Variants in UNC79 observed in about 807,000 individuals in gnomAD.
UNC79 encodes unc-79 subunit of NALCN channel complex, also known as protein unc-79 homolog.
In UNC79, 37 loss-of-function variants were observed where a neutral mutation model predicts 283.1. The ratio of observed to expected loss-of-function variants is 0.13; its 90% confidence interval spans 0.10 to 0.17. The LOEUF (loss-of-function observed/expected upper bound fraction) is 0.17, where lower values mean the gene tolerates loss of function less well. Ranked by LOEUF, UNC79 falls within the 10% of genes least tolerant of loss-of-function variation. The pLI, the probability that UNC79 is intolerant of heterozygous loss-of-function variation, is 1.00. For missense variants in UNC79, 2,272 were observed against 3,211.1 expected (o/e 0.71, Z 7.07); for synonymous variants, 1,107 against 1,200.2 (o/e 0.92, Z 1.61).
intron 4 of UNC79, among the ~76,000 whole-genome samples, chr14:93,486,140 C>A (rs1261255857): frequency 6.6e-6 from 1 of 152,084 alleles, no homozygotes; most frequent in Non-Finnish European, 1.5e-5. Context: ...GTGGTCTTCT[C>A]TATTATGTTT....
chr14:93,375,708 G>T (rs565480791), intron 1 of UNC79, among the ~76,000 whole-genome samples: 1 of 152,096 alleles, frequency 6.6e-6, no homozygotes, highest in Admixed American at 6.5e-5. Flanking sequence ...GGGAGGTGCT[G>T]CATACTTCTA....
At chr14:93,536,782 C>CTTTTTTTTTTTT (rs35677025) in intron 11 of UNC79, among the ~76,000 whole-genome samples, 2 of 82,434 alleles carry the variant, frequency 2.4e-5, no homozygotes, top group Non-Finnish European at 4.7e-5. Context: ...CCACCCCCGG[C>CTTTTTTTTTTTT]TTTTTTTTTT....
Position 93,569,264 on chromosome 14 carries a change from C to T in UNC79, c.1756-2630C>T, listed in dbSNP as rs1213504847. Among the ~76,000 whole-genome samples, 5 of 151,950 alleles carry T rather than the reference C, an allele frequency of 3.3e-5. No homozygotes were observed. The East Asian group carries it at 7.7e-4, about 23-fold the overall frequency. On this transcript the variant is annotated intron_variant, in intron 14 of 48. Coordinates refer to ENST00000555664, the Ensembl canonical transcript of UNC79. ...CATCCTGGCCAACATGGTGAAACCC[C>T]GTCTCTACTAAAAATACAAAAATTA...
intron 1 of UNC79, among the ~76,000 whole-genome samples, chr14:93,388,218 C>G (rs1309413341): frequency 1.3e-5 from 2 of 151,984 alleles, no homozygotes; most frequent in African/African-American, 4.8e-5. Flanking sequence ...CTCAAGCGAT[C>G]CTTCTGGCTA....
At chr14:93,557,313 G>A (rs770129046) in intron 14 of UNC79, among the ~76,000 whole-genome samples, 16 of 152,108 alleles carry the variant, frequency 1.1e-4, no homozygotes, top group East Asian at 3.9e-4. Flanking sequence ...TGTCTTTGCC[G>A]GTATCTTAGG....
intron 1 of UNC79, among the ~76,000 whole-genome samples, chr14:93,422,379 C>T (rs1180832145): frequency 6.8e-6 from 1 of 147,022 alleles, no homozygotes; most frequent in Non-Finnish European, 1.5e-5. Flanking sequence ...CAGATGAAGC[C>T]TCCAGGTAGC....
intron 32 of UNC79, among the ~76,000 whole-genome samples, chr14:93,638,884 C>T (rs1566833126): frequency 6.6e-6 from 1 of 152,194 alleles, no homozygotes; most frequent in Non-Finnish European, 1.5e-5. Flanking sequence ...ACTTCAGTAG[C>T]AATATTTAGC....
intron 1 of UNC79, among the ~76,000 whole-genome samples, chr14:93,384,265 G>A (rs2054723758): frequency 6.6e-6 from 1 of 152,144 alleles, no homozygotes; most frequent in Admixed American, 6.5e-5. Flanking sequence ...GTTTTTTGAG[G>A]AACCTCCAAA....
At chr14:93,415,126 TTG>T (rs2055424629) in intron 1 of UNC79, among the ~76,000 whole-genome samples, 1 of 152,222 alleles carries the variant, frequency 6.6e-6, no homozygotes, top group African/African-American at 2.4e-5. Flanking sequence ...CTTCCAGTTT[TTG>T]CCCATTCAGT....
At chr14:93,627,135 C>T (rs1279833833) in intron 30 of UNC79, among the ~76,000 whole-genome samples, 1 of 152,180 alleles carries the variant, frequency 6.6e-6, no homozygotes, top group Non-Finnish European at 1.5e-5. Flanking sequence ...CACCAGTGTC[C>T]TTCACTGCTA....
intron 35 of UNC79, among the ~76,000 whole-genome samples, chr14:93,653,488 C>T (rs1221132873): frequency 1.3e-5 from 2 of 152,138 alleles, no homozygotes; most frequent in African/African-American, 4.8e-5. Flanking sequence ...CTCAGGATCT[C>T]ATAACCTTCC....
chr14:93,648,485 C>T lies in UNC79; in HGVS notation c.6083+1839C>T, dbSNP rs892286130. ...TTTAGGAAATATTTTGAAGTAGAGC[C>T]AACAGAATTTGCTGATAGATTGGAT... On this transcript the variant is annotated intron_variant, in intron 35 of 48. Coordinates refer to ENST00000555664, the Ensembl canonical transcript of UNC79. Among the ~76,000 whole-genome samples, 20 of 151,914 alleles carry T rather than the reference C, an allele frequency of 1.3e-4. No homozygotes were observed. The South Asian group carries it at 1.9e-3, about 14-fold the overall frequency.
intron 1 of UNC79, among the ~76,000 whole-genome samples, chr14:93,386,827 G>T (rs142015845): frequency 0.014 from 2,118 of 150,926 alleles, 22 homozygotes; most frequent in Middle Eastern, 0.034. Flanking sequence ...TCTTAGTGTG[G>T]CTAAAGGTTT....
intron 11 of UNC79, among the ~76,000 whole-genome samples, chr14:93,537,623 T>C (rs7153646): frequency 0.26 from 38,975 of 152,170 alleles, 5,578 homozygotes; most frequent in East Asian, 0.7. Context: ...CTCTGATCCA[T>C]GGTTCTGTTT....
intron 42 of UNC79, among the ~76,000 whole-genome samples, chr14:93,685,272 C>A (rs562116164): frequency 2.6e-5 from 4 of 152,280 alleles, no homozygotes; most frequent in African/African-American, 9.6e-5. Flanking sequence ...AGAAACAAAT[C>A]CCTTTCAAGA....
At chr14:93,565,186 G>A (rs149823658) in intron 14 of UNC79, among the ~76,000 whole-genome samples, 2 of 152,308 alleles carry the variant, frequency 1.3e-5, no homozygotes, top group East Asian at 1.9e-4. Flanking sequence ...GCACTGTGGG[G>A]TTACAATCTT....
intron 1 of UNC79, among the ~76,000 whole-genome samples, chr14:93,356,120 C>T (rs890169756): frequency 5.9e-5 from 9 of 151,598 alleles, no homozygotes; most frequent in East Asian, 1.9e-4. Context: ...CTCCGCCTCC[C>T]GGGTTCAAGC....
At chr14:93,697,882 A>G (rs766189144) in intron 47 of UNC79, among the ~76,000 whole-genome samples, 10 of 152,256 alleles carry the variant, frequency 6.6e-5, no homozygotes, top group Non-Finnish European at 1.2e-4. Flanking sequence ...TTAGTGCTAT[A>G]AATTTTCCTC....
intron 18 of UNC79, among the ~76,000 whole-genome samples, chr14:93,579,494 G>A (rs1042449545): frequency 2.0e-5 from 3 of 152,022 alleles, no homozygotes; most frequent in Admixed American, 1.3e-4. Flanking sequence ...TCCCATTTAT[G>A]TGTTTATTTA....
Sources: allele counts gnomAD v4.1 joint callset (sites outside exome capture counted in the v4.1 genomes callset), GRCh38; gene constraint gnomAD v4.1.1; transcripts MANE v1.5; gene names NCBI Gene and HGNC (gene_info 2026-07-23, HGNC 2026-07-21).